CARMIL1: variants seen among roughly 807,000 people sequenced by gnomAD.
The protein encoded by CARMIL1 is F-actin-uncapping protein LRRC16A.
A neutral mutation model predicts 177.1 loss-of-function variants in CARMIL1; 90 were observed. The observed-to-expected ratio is 0.51, with a 90% CI of 0.43 to 0.61. The LOEUF (loss-of-function observed/expected upper bound fraction) is 0.61, where lower values mean the gene tolerates loss of function less well. CARMIL1 is among the 20% of genes least tolerant of loss of function. CARMIL1 has a pLI of 0.00. For missense variants in CARMIL1, 1,380 were observed against 1,667.0 expected (o/e 0.83, Z 3.00); for synonymous variants, 577 against 606.2 (o/e 0.95, Z 0.71).
intron 2 of CARMIL1, among the ~76,000 whole-genome samples, chr6:25,313,683 G>GCATATATATATGTATATATGTGTA: frequency 4.5e-5 from 6 of 133,812 alleles, no homozygotes; most frequent in African/African-American, 2.0e-4. Context: ...AGGGAAGGCT[G>GCATATATATATGTATATATGTGTA]TATATATACA....
intron 32 of CARMIL1, among the ~76,000 whole-genome samples, chr6:25,595,770 A>G (rs1258262238): frequency 6.6e-6 from 1 of 152,242 alleles, no homozygotes; most frequent in Non-Finnish European, 1.5e-5. Flanking sequence ...AAAAGATTCA[A>G]GAAAAACCAA....
At chr6:25,347,427 T>G (rs1036238199) in intron 2 of CARMIL1, among the ~76,000 whole-genome samples, 5 of 152,244 alleles carry the variant, frequency 3.3e-5, no homozygotes, top group African/African-American at 1.2e-4. Context: ...TTGTGCACTC[T>G]GGTTTTTCTC....
intron 5 of CARMIL1, among the ~76,000 whole-genome samples, chr6:25,441,932 G>A (rs914968956): frequency 6.6e-6 from 1 of 151,944 alleles, no homozygotes; most frequent in Non-Finnish European, 1.5e-5. Context: ...TGTTAATACA[G>A]GTATGAGGTA....
chr6:25,508,258 C>CA (rs1375694194), intron 17 of CARMIL1, among the ~76,000 whole-genome samples: 5 of 152,120 alleles, frequency 3.3e-5, no homozygotes, highest in Admixed American at 6.6e-5. Flanking sequence ...TCAGTCTTGA[C>CA]AATAGCTTCA....
At chr6:25,325,233 G>T (rs1285029601) in intron 2 of CARMIL1, among the ~76,000 whole-genome samples, 3 of 152,186 alleles carry the variant, frequency 2.0e-5, no homozygotes, top group African/African-American at 7.2e-5. Context: ...GTGTGGTAGA[G>T]AATTCATTGA....
At chr6:25,446,548 G>T (rs1798251464) in intron 5 of CARMIL1, among the ~76,000 whole-genome samples, 1 of 152,108 alleles carries the variant, frequency 6.6e-6, no homozygotes, top group Non-Finnish European at 1.5e-5. Context: ...TTTGGCATAG[G>T]GAATGTTTCA....
intron 36 of CARMIL1, among the ~76,000 whole-genome samples, chr6:25,614,974 T>C (rs55633691): frequency 0.14 from 20,581 of 152,292 alleles, 1,550 homozygotes; most frequent in Middle Eastern, 0.19. Context: ...TTTACTTTTC[T>C]GCTTTGATTT....
chr6:25,488,661 TGTAGTGCATTTTCC>T, intron 13 of CARMIL1, 76 bp downstream of exon 13: 2 of 1,160,824 alleles, frequency 1.7e-6, no homozygotes, highest in Non-Finnish European at 2.6e-6. Context: ...AACATGTCTT[TGTAGTGCATTTTCC>T]TGCCTCTCTC....
chr6:25,459,165 G>A (rs1054098736), intron 8 of CARMIL1, among the ~76,000 whole-genome samples: 2 of 150,098 alleles, frequency 1.3e-5, no homozygotes, highest in Non-Finnish European at 3.0e-5. Flanking sequence ...GGAAGGTTTC[G>A]ATTATTCTGA....
At chr6:25,293,303 T>TGTGTGTGTGTGG in intron 2 of CARMIL1, among the ~76,000 whole-genome samples, 1 of 141,944 alleles carries the variant, frequency 7.0e-6, no homozygotes, top group Non-Finnish European at 1.6e-5. Flanking sequence ...TGTGTGTGTG[T>TGTGTGTGTGTGG]GTTTTGTAGC....
At chr6:25,444,962 A>G (rs573660886) in intron 5 of CARMIL1, among the ~76,000 whole-genome samples, 105 of 152,274 alleles carry the variant, frequency 6.9e-4, no homozygotes, top group African/African-American at 2.2e-3. Flanking sequence ...GTCTTCCACA[A>G]TGGTTGAACT....
chr6:25,360,495 C>T (rs577636958), intron 2 of CARMIL1, among the ~76,000 whole-genome samples: 11 of 152,240 alleles, frequency 7.2e-5, no homozygotes, highest in East Asian at 5.8e-4. Flanking sequence ...CCACTGGGAT[C>T]GCTGCTAAAC....
intron 26 of CARMIL1, among the ~76,000 whole-genome samples, chr6:25,543,504 GAGT>G (rs1266261241): frequency 6.6e-6 from 1 of 152,046 alleles, no homozygotes; most frequent in African/African-American, 2.4e-5. Flanking sequence ...TTCATTCCTG[GAGT>G]AGTAGTAGAT....
chr6:25,411,207 C>A (rs9379763), intron 2 of CARMIL1, among the ~76,000 whole-genome samples: 29,064 of 152,104 alleles, frequency 0.19, 3,156 homozygotes, highest in Non-Finnish European at 0.24. Flanking sequence ...ACCTGTGAGT[C>A]CCCTGCTGTC....
At chr6:25,322,380 C>T (rs369624583) in intron 2 of CARMIL1, among the ~76,000 whole-genome samples, 40 of 152,356 alleles carry the variant, frequency 2.6e-4, no homozygotes, top group South Asian at 8.3e-4. Context: ...GCCTCAGCCT[C>T]CCAAAGTGTT....
At chr6:25,464,092 G>T (rs1031513851) in intron 8 of CARMIL1, among the ~76,000 whole-genome samples, 16 of 152,090 alleles carry the variant, frequency 1.1e-4, no homozygotes, top group African/African-American at 3.9e-4. Flanking sequence ...AAAATGCTGG[G>T]ATTACAGGCG....
intron 2 of CARMIL1, among the ~76,000 whole-genome samples, chr6:25,401,986 TGTA>T (rs1466148633): frequency 1.2e-4 from 18 of 151,888 alleles, no homozygotes; most frequent in African/African-American, 3.6e-4. Flanking sequence ...AGGATTTGCG[TGTA>T]GTTTTTTTTT....
Position 25,279,767 on chromosome 6 carries a change from G to A in CARMIL1, c.-29G>A, listed in dbSNP as rs575845777. 38 of 1,612,792 alleles carry A rather than the reference G, an allele frequency of 2.4e-5. No individual in the cohort carries two copies. The highest frequency in any genetic ancestry group is 4.4e-5 in the South Asian group (4 of 91,052). The stretch of plus-strand genomic sequence containing the variant: ...GGGGCCATAAATCAGAGTTGGACCT[G>A]CAATAACCCCCACACCTACAGGGCA... On this transcript the variant is annotated 5_prime_UTR_variant, in exon 1 of 37. Coordinates refer to ENST00000329474, the MANE Select transcript of CARMIL1 (RefSeq NM_017640.6).
chr6:25,373,153 A>G (rs59444511), intron 2 of CARMIL1, among the ~76,000 whole-genome samples: 3,082 of 151,476 alleles, frequency 0.02, 81 homozygotes, highest in African/African-American at 0.067. Flanking sequence ...GTTTGCTAGT[A>G]TTTTGTTGAG....
Sources: gnomAD v4.1 joint callset for allele counts (sites outside exome capture counted in the v4.1 genomes callset) on GRCh38, gnomAD v4.1.1 for gene constraint, MANE v1.5 for transcripts, NCBI Gene and HGNC (gene_info 2026-07-23, HGNC 2026-07-21) for gene names.